Variants in ADAM10 observed in about 807,000 individuals in gnomAD.
The protein encoded by ADAM10 is disintegrin and metalloproteinase domain-containing protein 10.
A neutral mutation model predicts 90.1 loss-of-function variants in ADAM10; 17 were observed. The ratio of observed to expected loss-of-function variants is 0.19; its 90% CI spans 0.13 to 0.28. The LOEUF (loss-of-function observed/expected upper bound fraction) is 0.28, where lower values mean the gene tolerates loss of function less well. ADAM10 is among the 10% of genes least tolerant of loss of function. The probability of loss-of-function intolerance (pLI) is 1.00; values close to 1 mark genes in which losing one functional copy is unlikely to be tolerated. For missense variants in ADAM10, 610 were observed against 914.3 expected, an observed-to-expected ratio of 0.67 and a Z score of 4.29; for synonymous variants, 310 against 298.6, an observed-to-expected ratio of 1.04 and a Z score of -0.40.
chr15:58,631,725 G>A (rs1259462530), intron 9 of ADAM10, among the ~76,000 whole-genome samples: 2 of 152,230 alleles, frequency 1.3e-5, no homozygotes, highest in Non-Finnish European at 1.5e-5. Context: ...GACTTGGGGA[G>A]AAGAGAGGAC....
intron 5 of ADAM10, among the ~76,000 whole-genome samples, chr15:58,662,986 CAG>C (rs1252923123): frequency 1.3e-5 from 2 of 152,196 alleles, no homozygotes; most frequent in Non-Finnish European, 2.9e-5. Context: ...AGGGAAATCA[CAG>C]AGATATTTAT....
At chr15:58,733,811 A>T (rs1899338991) in intron 1 of ADAM10, among the ~76,000 whole-genome samples, 1 of 151,634 alleles carries the variant, frequency 6.6e-6, no homozygotes, top group African/African-American at 2.4e-5. Flanking sequence ...AACTTACTAC[A>T]CTAACTAGGA....
chr15:58,749,502 G>C lies in ADAM10; in HGVS notation c.33C>G (p.Leu11=). 6.4e-7 allele frequency: 1 copy of C among 1,554,266 alleles called. No homozygotes were observed. Among genetic ancestry groups the C allele is most frequent in the Non-Finnish European group, 8.7e-7 (1 of 1,148,798 alleles). The change falls in exon 1 of 16, where the codon CTC becomes CTG. Residue 11 remains leucine, a synonymous_variant. Transcript: ENST00000260408. The part of the protein sequence containing the change: MVLLRVLILL[L]SWAAGMGGQY... Reference sequence around the variant, plus strand: ...CACCTCCCATCCCCGCCGCCCAGGAGAGGAGCAGAATTAACACTCTCAGCA... The same window carrying C: ...CACCTCCCATCCCCGCCGCCCAGGACAGGAGCAGAATTAACACTCTCAGCA...
At chr15:58,665,033 T>G in intron 5 of ADAM10, 64 bp downstream of exon 5, 1 of 1,215,442 alleles carries the variant, frequency 8.2e-7, no homozygotes, top group Non-Finnish European at 1.2e-6. Flanking sequence ...ATATTTTAAA[T>G]GTAGATATAC....
intron 14 of ADAM10, among the ~76,000 whole-genome samples, chr15:58,600,471 T>C (rs544337806): frequency 3.3e-5 from 5 of 152,284 alleles, no homozygotes; most frequent in East Asian, 1.9e-4. Flanking sequence ...ACTTTTTATA[T>C]ACATTAGTTT....
At chr15:58,704,868 T>C (rs1898234742) in intron 2 of ADAM10, among the ~76,000 whole-genome samples, 1 of 152,190 alleles carries the variant, frequency 6.6e-6, no homozygotes, top group African/African-American at 2.4e-5. Context: ...AACTCTAGTA[T>C]TTGGTTGCCG....
chr15:58,687,308 T>TAG lies in ADAM10; in HGVS notation c.207-4995_207-4994insCT, dbSNP rs1389123477. On this transcript the variant is annotated intron_variant, in intron 2 of 15. Transcript: ENST00000260408. ...GAAGCAGATTTGGTCTTTGTATTCT[T>TAG]ACGTTCCTCTACTTTGTAGCTGTGG... Among the ~76,000 whole-genome samples, 5 of 152,360 alleles carry TAG rather than the reference T, an allele frequency of 3.3e-5. No individual in the cohort carries two copies. In the East Asian group the frequency reaches 9.6e-4, roughly 29 times the overall value.
intron 8 of ADAM10, among the ~76,000 whole-genome samples, chr15:58,636,864 T>A (rs546125035): frequency 1.3e-5 from 2 of 152,288 alleles, no homozygotes; most frequent in East Asian, 3.9e-4. Flanking sequence ...AAGCAATAAT[T>A]CTGGACCAGA....
In ADAM10 at chr15:58,732,920, T is replaced by G. The variant is rs2140839734; in HGVS notation, c.56-15193A>C. The G allele has an allele frequency of 1.3e-5, 2 of 153,062 alleles. 1 individual carries two copies. The highest frequency in any genetic ancestry group is 4.1e-4 in the South Asian group (2 of 4,830). 9.5% of individuals were successfully genotyped at this position (153,062 alleles called of 1,614,324 possible). A position where few individuals can be genotyped will look rare whatever the true frequency, so the allele number is the denominator to read the frequency against. On this transcript the variant is annotated intron_variant, in intron 1 of 15. Transcript: ENST00000260408. ...AAGTGTTGTAAATGTGGAAAATTCT[T>G]CAGCCACAATTCCTATCTTACAGCA... is the stretch of plus-strand genomic sequence containing the variant.
At chr15:58,640,615 T>C (rs1596018931) in intron 8 of ADAM10, among the ~76,000 whole-genome samples, 162 bp downstream of exon 8, 5 of 152,342 alleles carry the variant, frequency 3.3e-5, no homozygotes, top group South Asian at 2.1e-4. Context: ...TCATCTATTG[T>C]GGCTTTTACA....
intron 1 of ADAM10, among the ~76,000 whole-genome samples, chr15:58,722,160 T>C (rs1442707587): frequency 5.9e-5 from 9 of 151,730 alleles, no homozygotes; most frequent in African/African-American, 1.9e-4. Context: ...GCCAACATGG[T>C]GAAACCCCCG....
rs202014174 is a variant in ADAM10 at position 58,611,826 on chromosome 15, T to C, written c.1677A>G (p.Thr559=). 2.5e-6 allele frequency: 4 copies of C among 1,614,086 alleles called. No homozygotes were observed. In the South Asian group the frequency reaches 4.4e-5, roughly 18 times the overall value. ...KPNFTDCNRH[T]QVCINGQCAG... ...TGCTTACCCCATTAATGCACACTTGTGTATGCCTATTACAGTCTGTGAAGT... is the reference window on the plus strand; with the variant it reads ...TGCTTACCCCATTAATGCACACTTGCGTATGCCTATTACAGTCTGTGAAGT... Residue 559 remains threonine (T), a synonymous_variant, in exon 12 of 16, where the codon ACA becomes ACG. Transcript: ENST00000260408.
In ADAM10 at chr15:58,589,735, C is replaced by G. The variant is rs771095678; in HGVS notation, c.*7812G>C. ...CTATGAGAGAAAGATGTATAAAATT[C>G]CAGGGCACAGCAGGTCACATGGACA... On this transcript the variant is annotated 3_prime_UTR_variant, in exon 16 of 16. Transcript: ENST00000260408. The G allele has an allele frequency of 6.6e-6, 1 of 152,108 alleles. No individual in the cohort carries two copies. Among genetic ancestry groups the G allele is most frequent in the Admixed American group, 6.6e-5 (1 of 15,266 alleles). The allele number at this position is 152,108 out of a possible 1,614,324, so 9.4% of individuals were successfully genotyped here. A position where few individuals can be genotyped will look rare whatever the true frequency, so the allele number is the denominator to read the frequency against.
chr15:58,612,662 C>A (rs1310550925), intron 11 of ADAM10, among the ~76,000 whole-genome samples: 1 of 152,182 alleles, frequency 6.6e-6, no homozygotes, highest in African/African-American at 2.4e-5. Context: ...CAACTCGTCA[C>A]TGAGTCCTAT....
chr15:58,724,010 C>T (rs565200189), intron 1 of ADAM10, among the ~76,000 whole-genome samples: 1 of 151,986 alleles, frequency 6.6e-6, no homozygotes, highest in African/African-American at 2.4e-5. Context: ...GCAGGTGGAT[C>T]ACCCAAGGTC....
At chr15:58,734,420 T>A (rs538376672) in intron 1 of ADAM10, among the ~76,000 whole-genome samples, 1 of 152,232 alleles carries the variant, frequency 6.6e-6, no homozygotes, top group African/African-American at 2.4e-5. Context: ...AATGATTTCA[T>A]GTTAATCTAC....
intron 1 of ADAM10, chr15:58,732,708 CAAAAAA>C: frequency 1.2e-5 from 1 of 85,476 alleles, no homozygotes. Flanking sequence ...GACTCCATCT[CAAAAAA>C]AAAAAAAAAA....
chr15:58,668,124 C>T (rs1365117264), intron 4 of ADAM10, among the ~76,000 whole-genome samples: 2 of 152,058 alleles, frequency 1.3e-5, no homozygotes, highest in Admixed American at 6.6e-5. Context: ...TCAGGTCAAC[C>T]AGAGAAATGT....
intron 8 of ADAM10, 76 bp from the exon 9 acceptor site, chr15:58,633,435 A>G (rs1596011227): frequency 8.2e-7 from 1 of 1,218,946 alleles, no homozygotes; most frequent in Non-Finnish European, 1.2e-6. Context: ...ATGCTATATT[A>G]AATGAAAACA....
Sources: allele counts gnomAD v4.1 joint callset (sites outside exome capture counted in the v4.1 genomes callset), GRCh38; gene constraint gnomAD v4.1.1; transcripts MANE v1.5; gene names NCBI Gene and HGNC (gene_info 2026-07-23, HGNC 2026-07-21).